Variants in CPED1 observed in about 807,000 individuals in gnomAD.
The protein encoded by CPED1 is cadherin like and PC-esterase domain containing 1.
Under a neutral mutation model 128.2 loss-of-function variants are expected in CPED1, and 114 were observed. That is an observed-to-expected ratio of 0.89 (90% CI 0.76 to 1.04). The LOEUF is 1.04. Among genes scored for constraint, CPED1 ranks in the 50% least tolerant of loss-of-function variants. The pLI is 0.00. For missense variants in CPED1, 1,211 were observed against 1,207.1 expected, an observed-to-expected ratio of 1.00 and a Z score of -0.05; for synonymous variants, 462 against 426.7, an observed-to-expected ratio of 1.08 and a Z score of -1.02.
chr7:121,215,803 A>G (rs1201085163), intron 16 of CPED1, among the ~76,000 whole-genome samples: 1 of 152,080 alleles, frequency 6.6e-6, no homozygotes, highest in Non-Finnish European at 1.5e-5. Flanking sequence ...TAATTTACTC[A>G]TAGGCACCAG....
At chr7:121,067,619 G>A (rs1233243330) in intron 5 of CPED1, among the ~76,000 whole-genome samples, 2 of 152,160 alleles carry the variant, frequency 1.3e-5, no homozygotes. Flanking sequence ...AATCCTTTGG[G>A]TATATACCCA....
intron 16 of CPED1, among the ~76,000 whole-genome samples, chr7:121,214,643 A>T (rs1347698137): frequency 1.3e-5 from 2 of 151,608 alleles, no homozygotes; most frequent in Non-Finnish European, 2.9e-5. Context: ...AAAATGTGAG[A>T]CTACACATAG....
chr7:121,192,925 GA>G (rs1797178904), intron 16 of CPED1, among the ~76,000 whole-genome samples: 2 of 152,112 alleles, frequency 1.3e-5, no homozygotes, highest in Admixed American at 6.6e-5. Flanking sequence ...TTGTCATCAG[GA>G]TCAACCATGT....
intron 3 of CPED1, among the ~76,000 whole-genome samples, chr7:121,017,337 A>G (rs1463448793): frequency 6.6e-6 from 1 of 152,140 alleles, no homozygotes; most frequent in East Asian, 1.9e-4. Context: ...TGCAAACCTT[A>G]TATTTTCACT....
chr7:121,009,191 G>A (rs1476769845), intron 2 of CPED1, among the ~76,000 whole-genome samples: 2 of 152,118 alleles, frequency 1.3e-5, no homozygotes, highest in African/African-American at 4.8e-5. Context: ...GTTTTGCCAT[G>A]TGGATGTGAA....
rs902863054 is a variant in CPED1 at position 121,120,848 on chromosome 7, A to G, written c.919-3483A>G. ...GAAACTACAGTAAGGTGTTTCTCTT[A>G]TCAAGGTATCTGTGGTTTCTGTAAT... On this transcript the variant is annotated intron_variant, in intron 7 of 22. Coordinates refer to ENST00000310396, the MANE Select transcript of CPED1 (RefSeq NM_024913.5). Among the ~76,000 whole-genome samples, 5 of 151,942 alleles carry G rather than the reference A, an allele frequency of 3.3e-5. No homozygotes were observed. In the East Asian group the frequency reaches 9.7e-4, roughly 29 times the overall value.
At chr7:121,088,195 G>A (rs540404147) in intron 5 of CPED1, among the ~76,000 whole-genome samples, 2 of 152,294 alleles carry the variant, frequency 1.3e-5, no homozygotes, top group South Asian at 4.1e-4. Flanking sequence ...AACAAGTGGT[G>A]TTAATTGAAA....
rs531945602 is a variant in CPED1, at chr7:121,094,437, T to C, written c.617-3262T>C. Among the ~76,000 whole-genome samples the C allele has an allele frequency of 1.9e-3, 284 of 152,322 alleles. 3 individuals carry two copies. The highest frequency in any genetic ancestry group is 0.013 in the South Asian group (65 of 4,824). ...GTGGTGTATATACTCATATGTCACATAGAAGGGAAAGAAGTAATCGAATAA... is the reference window on the plus strand; with the variant it reads ...GTGGTGTATATACTCATATGTCACACAGAAGGGAAAGAAGTAATCGAATAA... On this transcript the variant is annotated intron_variant, in intron 5 of 22. Transcript: ENST00000310396.
chr7:121,107,932 A>T (rs144802893), intron 7 of CPED1, among the ~76,000 whole-genome samples: 78 of 152,142 alleles, frequency 5.1e-4, no homozygotes, highest in Admixed American at 1.8e-3. Flanking sequence ...CTTCAGGAGA[A>T]AATCTGACTT....
intron 18 of CPED1, among the ~76,000 whole-genome samples, chr7:121,249,341 A>G (rs890188333): frequency 2.6e-5 from 4 of 152,148 alleles, no homozygotes; most frequent in African/African-American, 7.2e-5. Context: ...GCTATATGCT[A>G]TATGAAATGA....
At chr7:121,214,394 G>A (rs2116603787) in intron 16 of CPED1, among the ~76,000 whole-genome samples, 1 of 152,150 alleles carries the variant, frequency 6.6e-6, no homozygotes, top group South Asian at 2.1e-4. Context: ...ACAAGATCAA[G>A]GGATTCTCGT....
chr7:121,156,806 AAAAAT>A (rs369081419), intron 16 of CPED1, among the ~76,000 whole-genome samples: 231 of 152,338 alleles, frequency 1.5e-3, no homozygotes, highest in African/African-American at 5.0e-3. Context: ...AAAAAAATTA[AAAAAT>A]AAAATGTGAT....
intron 16 of CPED1, among the ~76,000 whole-genome samples, chr7:121,204,127 C>G (rs1797466154): frequency 6.6e-6 from 1 of 152,090 alleles, no homozygotes; most frequent in Non-Finnish European, 1.5e-5. Context: ...CCTCTTTCGC[C>G]TATTTAATGA....
intron 17 of CPED1, among the ~76,000 whole-genome samples, chr7:121,239,776 G>T (rs2116674885): frequency 6.6e-6 from 1 of 152,196 alleles, no homozygotes; most frequent in African/African-American, 2.4e-5. Context: ...TGAAATGGCT[G>T]AAATCTAACT....
chr7:121,108,721 C>T (rs798940), intron 7 of CPED1, among the ~76,000 whole-genome samples: 136,392 of 152,046 alleles, frequency 0.9, 61,217 homozygotes, highest in Middle Eastern at 0.99. Context: ...ATATGGAATA[C>T]TGACTTAGAA....
chr7:121,048,696 G>A lies in CPED1; in HGVS notation c.540+1703G>A, dbSNP rs533294145. Among the ~76,000 whole-genome samples the A allele has an allele frequency of 2.8e-4, 42 of 152,118 alleles. No homozygotes were observed. In the South Asian group the frequency reaches 8.3e-3, roughly 30 times the overall value. On this transcript the variant is annotated intron_variant, in intron 4 of 22. Transcript: ENST00000310396. ...TGGGATTACACATGTGTACCACCAC[G>A]CCTGGCTAATTTTTATATTTTTAGT... is the stretch of plus-strand genomic sequence containing the variant.
intron 2 of CPED1, among the ~76,000 whole-genome samples, chr7:120,997,941 ATAAAATAAAATAAAAT>A (rs2116750007): frequency 7.7e-6 from 1 of 130,692 alleles, no homozygotes; most frequent in African/African-American, 3.5e-5. Flanking sequence ...ATAAAATAAA[ATAAAATAAAATAAAAT>A]AAAATAAAAT....
intron 17 of CPED1, among the ~76,000 whole-genome samples, chr7:121,242,939 C>G (rs1212970395): frequency 6.6e-6 from 1 of 152,014 alleles, no homozygotes; most frequent in Non-Finnish European, 1.5e-5. Flanking sequence ...ATAACTATTT[C>G]CACATACACA....
chr7:121,229,116 T>C (rs893900502), intron 16 of CPED1, among the ~76,000 whole-genome samples: 7 of 152,020 alleles, frequency 4.6e-5, no homozygotes, highest in African/African-American at 1.7e-4. Context: ...TATACTCAGA[T>C]GATGGACAAC....
Sources: gnomAD v4.1 joint callset for allele counts (sites outside exome capture counted in the v4.1 genomes callset) on GRCh38, gnomAD v4.1.1 for gene constraint, MANE v1.5 for transcripts, NCBI Gene and HGNC (gene_info 2026-07-23, HGNC 2026-07-21) for gene names.